The following SYNJ1 variants were observed in gnomAD, a reference collection of about 807,000 sequenced individuals.
The protein encoded by SYNJ1 is polyphosphatidylinositol phosphatase SYNJ1.
A neutral mutation model predicts 168.2 loss-of-function variants in SYNJ1; 78 were observed. The observed-to-expected ratio is 0.46, with a 90% CI of 0.39 to 0.56. The LOEUF is 0.56. Ranked by LOEUF, SYNJ1 falls within the 20% of genes least tolerant of loss-of-function variation. The pLI is 0.00. For synonymous variants in SYNJ1, 539 were observed against 548.6 expected, an observed-to-expected ratio of 0.98 and a Z score of 0.24; for missense variants, 1,303 against 1,597.6, an observed-to-expected ratio of 0.82 and a Z score of 3.14.
chr21:32,702,911 G>A (rs189645862), intron 2 of SYNJ1, among the ~76,000 whole-genome samples: 1 of 152,256 alleles, frequency 6.6e-6, no homozygotes, highest in African/African-American at 2.4e-5. Flanking sequence ...CACGTAAGTA[G>A]ATACTTATGA....
At chr21:32,638,498 AC>A (rs1280879600) in intron 31 of SYNJ1, among the ~76,000 whole-genome samples, 1 of 152,078 alleles carries the variant, frequency 6.6e-6, no homozygotes, top group East Asian at 1.9e-4. Context: ...GGAGTTCAAG[AC>A]CAGCCTGGCT....
intron 14 of SYNJ1, among the ~76,000 whole-genome samples, chr21:32,671,759 T>G (rs1488594701): frequency 6.6e-6 from 1 of 152,108 alleles, no homozygotes; most frequent in Non-Finnish European, 1.5e-5. Flanking sequence ...TTCAATTAAG[T>G]AAGAAAGGGC....
chr21:32,715,983 A>C (rs1418455236), intron 2 of SYNJ1, among the ~76,000 whole-genome samples: 1 of 152,222 alleles, frequency 6.6e-6, no homozygotes, highest in Non-Finnish European at 1.5e-5. Flanking sequence ...TATGAAATGC[A>C]ACCCAATGTG....
At chr21:32,637,374 T>C (rs1185332971) in intron 31 of SYNJ1, among the ~76,000 whole-genome samples, 5 of 151,534 alleles carry the variant, frequency 3.3e-5, no homozygotes, top group Admixed American at 3.3e-4. Flanking sequence ...ACCATTATTA[T>C]ATATTTTCAC....
At chr21:32,636,968 C>T (rs762982142) in intron 31 of SYNJ1, among the ~76,000 whole-genome samples, 3 of 152,078 alleles carry the variant, frequency 2.0e-5, no homozygotes, top group South Asian at 2.1e-4. Context: ...ATGTGCCCGT[C>T]GGCCACCAAA....
chr21:32,668,286 TCA>T (rs2041033330), intron 15 of SYNJ1, among the ~76,000 whole-genome samples: 1 of 152,120 alleles, frequency 6.6e-6, no homozygotes. Context: ...CAGGCTGGTC[TCA>T]AACTCCTGAC....
chr21:32,642,505 G>A (rs2039886943), intron 27 of SYNJ1, among the ~76,000 whole-genome samples: 1 of 152,186 alleles, frequency 6.6e-6, no homozygotes, highest in Admixed American at 6.5e-5. Context: ...TTAGAGTCTG[G>A]CAGACAAGTG....
chr21:32,688,442 T>C (rs773906112), intron 6 of SYNJ1, 75 bp from the exon 7 acceptor site: 30 of 1,193,722 alleles, frequency 2.5e-5, no homozygotes, highest in Admixed American at 4.4e-5. Flanking sequence ...GCTTACAATA[T>C]CTAACAATTT....
At chr21:32,641,577 T>C (rs913104867) in intron 29 of SYNJ1, among the ~76,000 whole-genome samples, 3 of 152,198 alleles carry the variant, frequency 2.0e-5, no homozygotes, top group Non-Finnish European at 4.4e-5. Context: ...TATATCTTCA[T>C]TAATTACTCA....
chr21:32,660,900 G>A (rs2040672208), intron 18 of SYNJ1, among the ~76,000 whole-genome samples: 1 of 152,152 alleles, frequency 6.6e-6, no homozygotes, highest in African/African-American at 2.4e-5. Flanking sequence ...TGCACTGCAG[G>A]GGACACCAGC....
At chr21:32,637,182 A>G (rs1017391849) in intron 31 of SYNJ1, among the ~76,000 whole-genome samples, 1 of 152,138 alleles carries the variant, frequency 6.6e-6, no homozygotes, top group African/African-American at 2.4e-5. Context: ...ATGGCACGCA[A>G]CTACAATGAG....
At chr21:32,724,129 G>A (rs2043355221) in intron 2 of SYNJ1, among the ~76,000 whole-genome samples, 1 of 152,178 alleles carries the variant, frequency 6.6e-6, no homozygotes, top group Non-Finnish European at 1.5e-5. Context: ...CTGGACAAAT[G>A]ACAGGTTGAG....
intron 9 of SYNJ1, among the ~76,000 whole-genome samples, chr21:32,685,425 CAAAAAAAAAA>C (rs57470866): frequency 1.9e-4 from 13 of 67,238 alleles, no homozygotes; most frequent in African/African-American, 7.6e-4. Flanking sequence ...CCGTCTCTAC[CAAAAAAAAAA>C]AAAAAAAAAA....
At chr21:32,638,379 A>G (rs1476495881) in intron 31 of SYNJ1, among the ~76,000 whole-genome samples, 1 of 152,188 alleles carries the variant, frequency 6.6e-6, no homozygotes, top group Non-Finnish European at 1.5e-5. Context: ...TTAATGAGAT[A>G]CTTTTAAGGA....
At chr21:32,676,258 T>C in intron 13 of SYNJ1, 74 bp downstream of exon 13, 1 of 1,224,918 alleles carries the variant, frequency 8.2e-7, no homozygotes, top group Non-Finnish European at 1.1e-6. Context: ...ATGGCTTTAT[T>C]TGTTTACAAT....
chr21:32,721,595 C>A (rs1037250302), intron 2 of SYNJ1, among the ~76,000 whole-genome samples: 1 of 151,898 alleles, frequency 6.6e-6, no homozygotes, highest in East Asian at 1.9e-4. Flanking sequence ...AGGAGAACTC[C>A]TTGAACCCAG....
intron 15 of SYNJ1, among the ~76,000 whole-genome samples, chr21:32,668,009 A>ATGTGTGTG (rs3056370): frequency 2.0e-4 from 29 of 144,004 alleles, no homozygotes; most frequent in African/African-American, 6.2e-4. Context: ...AAGAATATAT[A>ATGTGTGTG]TGTGTGTGTG....
At chr21:32,722,445 G>C (rs1054542238) in intron 2 of SYNJ1, among the ~76,000 whole-genome samples, 1 of 151,916 alleles carries the variant, frequency 6.6e-6, no homozygotes, top group Non-Finnish European at 1.5e-5. Flanking sequence ...AGCTACTCAG[G>C]AAGCTGAGGC....
chr21:32,728,064 A>T (rs2043561062), upstream of SYNJ1: 1 of 1,523,634 alleles, frequency 6.6e-7, no homozygotes, highest in African/African-American at 1.4e-5. Flanking sequence ...GGGGCGGAAG[A>T]TCCGCCCCGC....
Sources: gnomAD v4.1 joint callset for allele counts (sites outside exome capture counted in the v4.1 genomes callset) on GRCh38, gnomAD v4.1.1 for gene constraint, MANE v1.5 for transcripts, NCBI Gene and HGNC (gene_info 2026-07-23, HGNC 2026-07-21) for gene names.